Variants in FBH1 observed in about 807,000 individuals in gnomAD.
The protein encoded by FBH1 is F-box DNA helicase 1, also known as DNA 3'-5' helicase 1.
A neutral mutation model predicts 115.5 loss-of-function variants in FBH1; 43 were observed. The observed-to-expected ratio is 0.37, with a 90% CI of 0.29 to 0.48. The LOEUF (loss-of-function observed/expected upper bound fraction) is 0.48. Among genes scored for constraint, FBH1 ranks in the 20% least tolerant of loss-of-function variants. The pLI is 0.99. For synonymous variants in FBH1, 524 were observed against 507.8 expected (o/e 1.03, Z -0.43); for missense variants, 1,001 against 1,337.3 (o/e 0.75, Z 3.92).
Position 5,903,092 on chromosome 10 carries a change from C to T in FBH1, c.74C>T (p.Thr25Ile). 1 of 1,613,854 alleles carries T rather than the reference C, an allele frequency of 6.2e-7. No homozygotes were observed. Among genetic ancestry groups the T allele is most frequent in the East Asian group, 2.2e-5 (1 of 44,870 alleles). The change falls in exon 2 of 21, where the codon ACC becomes ATC. Residue 25 changes from threonine (T) to isoleucine (I), a missense_variant. Coordinates refer to ENST00000362091, the MANE Select transcript of FBH1 (RefSeq NM_178150.3). ...QHLARSHLAV[T>I]QPFGQRWTNR... ...TTGGCTCGGAGTCACTTGGCTGTGA[C>T]CCAGCCCTTCGGTCAAAGATGGACA...
In FBH1 at chr10:5,915,348, C is replaced by G. The variant is rs557274848; in HGVS notation, c.1397-55C>G. 7 of 1,589,186 alleles carry G rather than the reference C, an allele frequency of 4.4e-6. No individual in the cohort carries two copies. In the Admixed American group the frequency reaches 5.2e-5, roughly 12 times the overall value. ...CTGGACAAGGCCTGATTGGGGATCCCTGGGCATGTCTTGTCTGGTCAGAGG... is the reference window on the plus strand; with the variant it reads ...CTGGACAAGGCCTGATTGGGGATCCGTGGGCATGTCTTGTCTGGTCAGAGG... On this transcript the variant is annotated intron_variant, in intron 8 of 20. Transcript: ENST00000362091. This position sits in a 1 kb window ranked among gnomAD's most constrained non-coding sequence, Gnocchi z 5.2.
At position 5,935,173 on chromosome 10, in the gene FBH1, C is replaced by T. The variant is rs1369387807; in HGVS notation, c.2830-1283C>T. ...ATAATGGTAACTGCGTCAAAAACGGCTTGAGAGCCTAGCCCTGGAGAAACT... is the reference window on the plus strand; with the variant it reads ...ATAATGGTAACTGCGTCAAAAACGGTTTGAGAGCCTAGCCCTGGAGAAACT... On this transcript the variant is annotated intron_variant, in intron 19 of 20. Transcript: ENST00000362091. This position sits in a 1 kb window ranked among gnomAD's most constrained non-coding sequence, Gnocchi z 5.2. 6.6e-6 allele frequency: 1 copy of T among 152,286 alleles called. No individual in the cohort carries two copies. The highest frequency in any genetic ancestry group is 1.5e-5 in the Non-Finnish European group (1 of 68,028). The allele number at this position is 152,286 out of a possible 1,614,324, so 9.4% of individuals were successfully genotyped here.
At chr10:5,927,306 AGCCAACAAAT>A in intron 18 of FBH1, 119 bp from the exon 19 acceptor site, 1 of 633,562 alleles carries the variant, frequency 1.6e-6, no homozygotes, top group Non-Finnish European at 2.6e-6. Flanking sequence ...TTGTATTTAC[AGCCAACAAAT>A]GTTGAGTGGT....
intron 19 of FBH1, among the ~76,000 whole-genome samples, chr10:5,928,072 CAAAAAAA>C (rs1010342333): frequency 1.6e-4 from 4 of 24,752 alleles, no homozygotes; most frequent in Non-Finnish European, 3.7e-4. Context: ...GACTCCATCT[CAAAAAAA>C]AAAAAAAAAA....
chr10:5,925,503 G>T lies in FBH1; in HGVS notation c.2722+11G>T, dbSNP rs193174451. The T allele has an allele frequency of 3.1e-6, 5 of 1,613,238 alleles. No individual in the cohort carries two copies. Among genetic ancestry groups the T allele is most frequent in the South Asian group, 1.1e-5 (1 of 91,014 alleles). ...CGCACTTCAGAGTTGGTAAGAGGCC[G>T]CCGGGTAGTGTCAGGTGCTGCTGTA... On this transcript the variant is annotated intron_variant, in intron 18 of 20. Transcript: ENST00000362091. The surrounding 1 kb of genome is among the most constrained non-coding windows in gnomAD (Gnocchi z 4.6).
intron 2 of FBH1, chr10:5,905,147 C>G (rs1230813047): frequency 6.6e-6 from 1 of 152,206 alleles, no homozygotes; most frequent in Non-Finnish European, 1.5e-5. Context: ...AGGTACCACT[C>G]TAACACTATA....
chr10:5,903,366 T>C (rs1028798134), intron 2 of FBH1, among the ~76,000 whole-genome samples, 191 bp downstream of exon 2: 2 of 151,882 alleles, frequency 1.3e-5, no homozygotes, highest in African/African-American at 2.4e-5. Flanking sequence ...GTTTCAATCT[T>C]GTTGCCCTGG....
rs116757267 is a variant in FBH1 at position 5,916,300 on chromosome 10, T to G, written c.1632T>G (p.Ala544=). ...LTPFMVNSVL[A]EGKGGFIRAK... is the part of the protein sequence containing the mutation. Reference sequence around the variant, plus strand: ...CCTTCATGGTCAACTCCGTCCTTGCTGAAGGGAAGGGTGGATTCATAAGAG... The same window carrying G: ...CCTTCATGGTCAACTCCGTCCTTGCGGAAGGGAAGGGTGGATTCATAAGAG... The change falls in exon 10 of 21, where the codon GCT becomes GCG. Residue 544 remains alanine (A), a synonymous_variant. Transcript: ENST00000362091. 1,202 of 1,614,206 alleles carry G rather than the reference T, an allele frequency of 7.4e-4. 13 individuals carry two copies. The African/African-American group carries it at 0.015, about 20-fold the overall frequency.
Position 5,910,890 on chromosome 10 carries a change from A to ACC in FBH1, c.1021-47_1021-46dup. 1 of 1,540,482 alleles carries ACC rather than the reference A, an allele frequency of 6.5e-7. No individual in the cohort carries two copies. Among genetic ancestry groups the ACC allele is most frequent in the Non-Finnish European group, 8.8e-7 (1 of 1,136,302 alleles). On this transcript the variant is annotated intron_variant, in intron 5 of 20. Transcript: ENST00000362091. The surrounding 1 kb of genome is among the most constrained non-coding windows in gnomAD (Gnocchi z 4.8). Reference sequence around the variant, plus strand: ...CTCCTTCCTGCTGTGATTCGTATTAACCATGGCCTGTGGGCTGTCCCTCCC... The same window carrying ACC: ...CTCCTTCCTGCTGTGATTCGTATTAACCCCATGGCCTGTGGGCTGTCCCTCCC...
chr10:5,902,971 G>GT, intron 1 of FBH1, 49 bp from the exon 2 acceptor site: 3 of 1,527,522 alleles, frequency 2.0e-6, no homozygotes, highest in Non-Finnish European at 2.7e-6. Flanking sequence ...TGTAGAATCG[G>GT]TGATAACTAA....
chr10:5,893,966 TC>T, intron 1 of FBH1: 1 of 984,370 alleles, frequency 1.0e-6, no homozygotes. Flanking sequence ...AACATTCCTT[TC>T]TTTCTTTAGG....
In FBH1 at chr10:5,914,755, C is replaced by T. The variant is rs1215276955; in HGVS notation, c.1396+486C>T. Reference sequence around the variant, plus strand: ...CACAGCCTCCTGAAGTACTTGGTTACTCTTTCATCACAGCCTTTGCTCGTG... The same window carrying T: ...CACAGCCTCCTGAAGTACTTGGTTATTCTTTCATCACAGCCTTTGCTCGTG... On this transcript the variant is annotated intron_variant, in intron 8 of 20. Coordinates refer to ENST00000362091, the MANE Select transcript of FBH1 (RefSeq NM_178150.3). This position sits in a 1 kb window ranked among gnomAD's most constrained non-coding sequence, Gnocchi z 5.2. Among the ~76,000 whole-genome samples the T allele has an allele frequency of 6.6e-6, 1 of 152,210 alleles. No individual in the cohort carries two copies. Among genetic ancestry groups the T allele is most frequent in the Non-Finnish European group, 1.5e-5 (1 of 68,036 alleles).
In FBH1 at chr10:5,927,552, C is replaced by T. The variant is rs777525905; in HGVS notation, c.2829+11C>T. 23 of 1,604,294 alleles carry T rather than the reference C, an allele frequency of 1.4e-5. No homozygotes were observed. Among genetic ancestry groups the T allele is most frequent in the Middle Eastern group, 3.3e-4 (2 of 6,074 alleles). On this transcript the variant is annotated intron_variant, in intron 19 of 20. Coordinates refer to ENST00000362091, the MANE Select transcript of FBH1 (RefSeq NM_178150.3). Reference sequence around the variant, plus strand: ...TTGACTTTGGCTGGGGTAAGCAGAACGGGCAGCATGAGCTAACTTGATGCC... The same window carrying T: ...TTGACTTTGGCTGGGGTAAGCAGAATGGGCAGCATGAGCTAACTTGATGCC...
intron 1 of FBH1, 136 bp downstream of exon 1, chr10:5,890,482 C>T (rs1431846985): frequency 2.3e-5 from 7 of 299,030 alleles, no homozygotes; most frequent in Non-Finnish European, 3.3e-5. Context: ...AGGCTGGGCT[C>T]GGGCAAGCGC....
At chr10:5,899,800 G>T (rs1248093719) in intron 1 of FBH1, among the ~76,000 whole-genome samples, 1 of 152,160 alleles carries the variant, frequency 6.6e-6, no homozygotes, top group Non-Finnish European at 1.5e-5. Flanking sequence ...AATATGAAGG[G>T]TTTTGAACAC....
In FBH1 at chr10:5,915,600, T is replaced by C; in HGVS notation, c.1565+29T>C. On this transcript the variant is annotated intron_variant, in intron 9 of 20. Coordinates refer to ENST00000362091, the MANE Select transcript of FBH1 (RefSeq NM_178150.3). The surrounding 1 kb of genome is among the most constrained non-coding windows in gnomAD (Gnocchi z 5.2). ...AGTACTGCTGTCACTAGTGGCACTG[T>C]TGCTGCTGGCACGGTCGCGTCTTAC... The C allele has an allele frequency of 6.2e-7, 1 of 1,608,332 alleles. No homozygotes were observed. Among genetic ancestry groups the C allele is most frequent in the Non-Finnish European group, 8.5e-7 (1 of 1,175,392 alleles).
In FBH1 at chr10:5,923,904, C is replaced by G; in HGVS notation, c.2398+208C>G. 1.7e-6 allele frequency: 1 copy of G among 590,050 alleles called. No homozygotes were observed. The highest frequency in any genetic ancestry group is 3.0e-6 in the Non-Finnish European group (1 of 334,086). 36.6% of individuals were successfully genotyped at this position (590,050 alleles called of 1,614,324 possible). On this transcript the variant is annotated intron_variant, in intron 16 of 20. Coordinates refer to ENST00000362091, the MANE Select transcript of FBH1 (RefSeq NM_178150.3). The surrounding 1 kb of genome is among the most constrained non-coding windows in gnomAD (Gnocchi z 5.7). ...TTTTCCAGATCCTCCTCACAGGAGC[C>G]TCAGTCTCTTTCCAACACTGGTCCC...
In FBH1 at chr10:5,923,913, T is replaced by A. The variant is rs1832461530; in HGVS notation, c.2398+217T>A. The A allele has an allele frequency of 1.0e-4, 59 of 585,380 alleles. 1 individual carries two copies. In the South Asian group the frequency reaches 1.2e-3, roughly 12 times the overall value. 36.3% of individuals were successfully genotyped at this position (585,380 alleles called of 1,614,324 possible). A position where few individuals can be genotyped will look rare whatever the true frequency, so the allele number is the denominator to read the frequency against. ...TCCTCCTCACAGGAGCCTCAGTCTC[T>A]TTCCAACACTGGTCCCATAGACTGT... On this transcript the variant is annotated intron_variant, in intron 16 of 20. Transcript: ENST00000362091. This position sits in a 1 kb window ranked among gnomAD's most constrained non-coding sequence, Gnocchi z 5.7.
At chr10:5,916,867 G>A (rs147706136) in intron 10 of FBH1, among the ~76,000 whole-genome samples, 2 of 152,304 alleles carry the variant, frequency 1.3e-5, no homozygotes, top group African/African-American at 4.8e-5. Context: ...TCCTGTGAAG[G>A]ACACTGGTGA....
Sources: gnomAD v4.1 joint callset for allele counts (sites outside exome capture counted in the v4.1 genomes callset) on GRCh38, gnomAD v4.1.1 for gene constraint, Gnocchi (gnomAD v3.1) non-coding constraint, MANE v1.5 for transcripts, NCBI Gene and HGNC (gene_info 2026-07-23, HGNC 2026-07-21) for gene names.